The following DNAJC6 variants were observed in gnomAD, a reference collection of about 807,000 sequenced individuals.
The protein encoded by DNAJC6 is auxilin.
Under a neutral mutation model 110.0 loss-of-function variants are expected in DNAJC6, and 34 were observed. The observed-to-expected ratio is 0.31, with a 90% CI of 0.24 to 0.41. The LOEUF is 0.41. Among genes scored for constraint, DNAJC6 ranks in the 10% least tolerant of loss-of-function variants. The pLI is 1.00. For missense variants in DNAJC6, 1,031 were observed against 1,207.8 expected, an observed-to-expected ratio of 0.85 and a Z score of 2.17; for synonymous variants, 406 against 437.2, an observed-to-expected ratio of 0.93 and a Z score of 0.89.
chr1:65,407,839 C>A (rs1331697880), intron 16 of DNAJC6, among the ~76,000 whole-genome samples: 3 of 152,150 alleles, frequency 2.0e-5, no homozygotes, highest in African/African-American at 4.8e-5. Context: ...ATAGAGATAG[C>A]AAATGGTTTT....
intron 11 of DNAJC6, 50 bp from the exon 12 acceptor site, chr1:65,392,381 C>T (rs1207716401): frequency 6.8e-7 from 1 of 1,479,978 alleles, no homozygotes; most frequent in Middle Eastern, 2.1e-4. Context: ...CAAAAACCAA[C>T]AATGCTGTGG....
intron 1 of DNAJC6, among the ~76,000 whole-genome samples, chr1:65,316,631 A>G (rs1204509461): frequency 2.6e-5 from 4 of 152,246 alleles, no homozygotes; most frequent in African/African-American, 9.6e-5. Context: ...TTAAAAGGGC[A>G]TTTATAATGA....
chr1:65,390,358 G>A (rs1645914854), intron 11 of DNAJC6, among the ~76,000 whole-genome samples: 1 of 152,180 alleles, frequency 6.6e-6, no homozygotes, highest in Admixed American at 6.5e-5. Flanking sequence ...AGCTTACCCT[G>A]CTGCAGAGAA....
chr1:65,387,032 T>G (rs1278761942), intron 8 of DNAJC6, 103 bp downstream of exon 8: 6 of 969,810 alleles, frequency 6.2e-6, no homozygotes, highest in Non-Finnish European at 9.8e-6. Context: ...TCACTTGTAG[T>G]TTTAGAATGA....
chr1:65,268,796 T>C (rs1469938904), intron 1 of DNAJC6, among the ~76,000 whole-genome samples: 3 of 152,162 alleles, frequency 2.0e-5, no homozygotes, highest in Admixed American at 6.5e-5. Context: ...TTTTAGGTTG[T>C]TTTTATTTGG....
At chr1:65,393,776 TGTCTC>T (rs2101616226) in intron 12 of DNAJC6, among the ~76,000 whole-genome samples, 1 of 152,260 alleles carries the variant, frequency 6.6e-6, no homozygotes, top group African/African-American at 2.4e-5. Context: ...TAAAGAGAAA[TGTCTC>T]AACTCTTCAG....
Position 65,386,851 on chromosome 1 carries a change from G to C in DNAJC6, c.1035G>C (p.Leu345Phe), listed in dbSNP as rs1645877768. ...RVQDGKIFIP[L>F]NITVQGDVVV... The stretch of plus-strand genomic sequence containing the variant: ...AAGATGGAAAAATCTTCATTCCCTT[G>C]AACATCACTGTGCAAGGAGACGTGG... The change falls in exon 8 of 19, where the codon TTG (leucine) becomes TTC (phenylalanine). Residue 345 changes from leucine (L) to phenylalanine (F), a missense_variant. Leu to Phe is a conservative substitution (Grantham distance 22). Transcript: ENST00000371069. 6.2e-7 allele frequency: 1 copy of C among 1,613,972 alleles called. No individual in the cohort carries two copies. The highest frequency in any genetic ancestry group is 1.3e-5 in the African/African-American group (1 of 74,904).
Position 65,364,651 on chromosome 1 carries a change from C to T in DNAJC6, c.210C>T (p.Asp70=). The part of the protein sequence containing the change: ...TMDSSGASSP[D]MEPSYGGGLF... ...TTTTGGCAGGTGCCTCATCTCCAGA[C>T]ATGGAGCCCAGCTATGGGGGAGGTC... The change falls in exon 2 of 19, where the codon GAC becomes GAT. Residue 70 remains aspartate (D), a synonymous_variant. Transcript: ENST00000371069. The T allele has an allele frequency of 6.3e-7, 1 of 1,595,044 alleles. No homozygotes were observed. The highest frequency in any genetic ancestry group is 8.5e-7 in the Non-Finnish European group (1 of 1,174,934).
intron 1 of DNAJC6, among the ~76,000 whole-genome samples, chr1:65,310,985 G>A (rs1645093886): frequency 6.6e-6 from 1 of 152,068 alleles, no homozygotes; most frequent in South Asian, 2.1e-4. Context: ...GCAAACAAAT[G>A]CTTGTTTATT....
intron 1 of DNAJC6, among the ~76,000 whole-genome samples, chr1:65,361,799 T>C (rs1260373737): frequency 6.6e-6 from 1 of 152,170 alleles, no homozygotes; most frequent in Non-Finnish European, 1.5e-5. Context: ...GTAGGTATAA[T>C]CTAGAGAGAG....
chr1:65,405,731 C>T, intron 15 of DNAJC6, 139 bp from the exon 16 acceptor site: 1 of 1,004,734 alleles, frequency 1.0e-6, no homozygotes, highest in Non-Finnish European at 1.4e-6. Context: ...CCTGCAATTG[C>T]TTTATCTATA....
At chr1:65,341,470 AGAG>A (rs1281077511) in intron 1 of DNAJC6, among the ~76,000 whole-genome samples, 1 of 152,166 alleles carries the variant, frequency 6.6e-6, no homozygotes, top group Non-Finnish European at 1.5e-5. Flanking sequence ...AAAAGGCAGC[AGAG>A]GAGAACAGAT....
chr1:65,376,957 G>A (rs1447651502), intron 4 of DNAJC6, among the ~76,000 whole-genome samples: 2 of 152,014 alleles, frequency 1.3e-5, no homozygotes, highest in Non-Finnish European at 1.5e-5. Context: ...TTTTAGTAGA[G>A]TTTCACTGTG....
In DNAJC6 at chr1:65,389,798, G is replaced by A. The variant is rs75405785; in HGVS notation, c.1468+171G>A. On this transcript the variant is annotated intron_variant, in intron 11 of 18. Transcript: ENST00000371069. Reference sequence around the variant, plus strand: ...CACTTTGGAAGGCCAGGATAGGAAGGCCAGGAGTTCAAGACCAGCTCAGGC... The same window carrying A: ...CACTTTGGAAGGCCAGGATAGGAAGACCAGGAGTTCAAGACCAGCTCAGGC... Among the ~76,000 whole-genome samples, 710 of 152,262 alleles carry A rather than the reference G, an allele frequency of 4.7e-3. 5 individuals are homozygous for A. The highest frequency in any genetic ancestry group is 0.015 in the African/African-American group (632 of 41,548).
At chr1:65,343,001 G>A (rs1386768408) in intron 1 of DNAJC6, among the ~76,000 whole-genome samples, 2 of 152,152 alleles carry the variant, frequency 1.3e-5, no homozygotes, top group Non-Finnish European at 2.9e-5. Context: ...CCTTCCCAGT[G>A]ATTCTAAATT....
At chr1:65,311,577 T>A (rs1457750305) in intron 1 of DNAJC6, among the ~76,000 whole-genome samples, 1 of 152,178 alleles carries the variant, frequency 6.6e-6, no homozygotes, top group Admixed American at 6.5e-5. Context: ...TTTTTTCAAA[T>A]CTGTGATATA....
upstream of DNAJC6, among the ~76,000 whole-genome samples, chr1:65,306,790 CA>C (rs1398749404): frequency 2.0e-4 from 24 of 118,838 alleles, no homozygotes; most frequent in Non-Finnish European, 2.8e-4. Flanking sequence ...AATTCTCATT[CA>C]AAGTTACAAA....
intron 1 of DNAJC6, among the ~76,000 whole-genome samples, chr1:65,288,981 G>C (rs1654107373): frequency 6.6e-6 from 1 of 152,072 alleles, no homozygotes; most frequent in Non-Finnish European, 1.5e-5. Context: ...GTCTTTTGGT[G>C]CCCATGTGAA....
At chr1:65,360,754 AC>A (rs1645589358) in intron 1 of DNAJC6, among the ~76,000 whole-genome samples, 1 of 152,088 alleles carries the variant, frequency 6.6e-6, no homozygotes, top group Non-Finnish European at 1.5e-5. Flanking sequence ...TGCCCATTAG[AC>A]CTGTTCCTGG....
Sources: gnomAD v4.1 joint callset for allele counts (sites outside exome capture counted in the v4.1 genomes callset) on GRCh38, gnomAD v4.1.1 for gene constraint, MANE v1.5 for transcripts, NCBI Gene and HGNC (gene_info 2026-07-23, HGNC 2026-07-21) for gene names.